The following IWS1 variants were observed in gnomAD, a reference collection of about 807,000 sequenced individuals.
IWS1 encodes protein IWS1 homolog.
Under a neutral mutation model 86.7 loss-of-function variants are expected in IWS1, and 27 were observed. The ratio of observed to expected loss-of-function variants is 0.31; its 90% CI spans 0.23 to 0.43. IWS1 has a LOEUF of 0.43. IWS1 is among the 20% of genes least tolerant of loss of function. The pLI is 1.00. For synonymous variants in IWS1, 313 were observed against 335.1 expected, an observed-to-expected ratio of 0.93 and a Z score of 0.72; for missense variants, 827 against 1,000.8, an observed-to-expected ratio of 0.83 and a Z score of 2.34.
Position 127,526,296 on chromosome 2 carries a change from T to G in IWS1, c.-88A>C, listed in dbSNP as rs1692411943. On this transcript the variant is annotated 5_prime_UTR_variant, in exon 1 of 14. Coordinates refer to ENST00000295321, the MANE Select transcript of IWS1 (RefSeq NM_017969.3). ...GCGGTGTGACCCCGGATGGCGCGGCTAAGTGTTCAGAGACTGCCGCCCGAC... is the reference window on the plus strand; with the variant it reads ...GCGGTGTGACCCCGGATGGCGCGGCGAAGTGTTCAGAGACTGCCGCCCGAC... 3 of 1,543,562 alleles carry G rather than the reference T, an allele frequency of 1.9e-6. No homozygotes were observed. The African/African-American group carries it at 4.1e-5, about 21-fold the overall frequency.
intron 2 of IWS1, among the ~76,000 whole-genome samples, chr2:127,506,404 T>G (rs1399824715): frequency 1.3e-5 from 2 of 152,092 alleles, no homozygotes; most frequent in Non-Finnish European, 2.9e-5. Context: ...AACTCTATTT[T>G]TCAAAGAAAT....
At chr2:127,484,078 C>T (rs1295693772) in intron 13 of IWS1, among the ~76,000 whole-genome samples, 1 of 152,098 alleles carries the variant, frequency 6.6e-6, no homozygotes, top group Non-Finnish European at 1.5e-5. Flanking sequence ...CCGAGGCGGG[C>T]AGATCACTAG....
chr2:127,495,059 A>G (rs1690443634), intron 7 of IWS1, 105 bp from the exon 8 acceptor site: 8 of 658,020 alleles, frequency 1.2e-5, no homozygotes, highest in South Asian at 7.4e-5. Flanking sequence ...CAAAGAAACA[A>G]TTTTTCCTAC....
chr2:127,517,864 T>TA (rs1691861856), intron 2 of IWS1, among the ~76,000 whole-genome samples: 2 of 152,236 alleles, frequency 1.3e-5, no homozygotes, highest in African/African-American at 4.8e-5. Flanking sequence ...TATATCCATA[T>TA]AATGGAATAT....
chr2:127,519,085 T>A (rs1691944653), intron 2 of IWS1, among the ~76,000 whole-genome samples: 1 of 152,196 alleles, frequency 6.6e-6, no homozygotes, highest in Non-Finnish European at 1.5e-5. Flanking sequence ...TAAAATATCA[T>A]TTATCTTGAT....
intron 13 of IWS1, chr2:127,482,287 T>C (rs1044862774): frequency 2.6e-5 from 4 of 152,204 alleles, no homozygotes; most frequent in African/African-American, 4.8e-5. Context: ...AACTATGACA[T>C]GAAGCCAGCT....
chr2:127,518,116 T>C (rs1691875026), intron 2 of IWS1, among the ~76,000 whole-genome samples: 1 of 152,158 alleles, frequency 6.6e-6, no homozygotes, highest in African/African-American at 2.4e-5. Context: ...AAGCGTTTCT[T>C]AGGTGATGAA....
At position 127,526,354 on chromosome 2, in the gene IWS1, G is replaced by T. The variant is rs914873247; in HGVS notation, c.-146C>A. On this transcript the variant is annotated 5_prime_UTR_variant, in exon 1 of 14. Coordinates refer to ENST00000295321, the MANE Select transcript of IWS1 (RefSeq NM_017969.3). ...CTTAACGGGTGCGGAGGGTAAGAAAGCGGTAGCGGCAAAGGCGAATTCTTT... is the reference window on the plus strand; with the variant it reads ...CTTAACGGGTGCGGAGGGTAAGAAATCGGTAGCGGCAAAGGCGAATTCTTT... 2 of 1,537,376 alleles carry T rather than the reference G, an allele frequency of 1.3e-6. No homozygotes were observed. Among genetic ancestry groups the T allele is most frequent in the South Asian group, 2.4e-5 (2 of 83,610 alleles).
In IWS1 at chr2:127,504,994, C is replaced by G. The variant is rs1303927188; in HGVS notation, c.909G>C (p.Glu303Asp). 1 of 1,613,950 alleles carries G rather than the reference C, an allele frequency of 6.2e-7. No homozygotes were observed. Among genetic ancestry groups the G allele is most frequent in the Middle Eastern group, 1.6e-4 (1 of 6,062 alleles). The change falls in exon 3 of 14, where the codon GAG becomes GAC. Residue 303 changes from glutamate (E) to aspartate (D), a missense_variant. Glu to Asp is a conservative substitution (Grantham distance 45, BLOSUM62 2). This residue lies in a region of IWS1 where 548 missense variants were observed against 560.2 expected (regional missense o/e 0.98). Coordinates refer to ENST00000295321, the MANE Select transcript of IWS1 (RefSeq NM_017969.3). Reference protein sequence around the residue: ...ELPKPRVSDSESEGPQKGPAS... With the variant: ...ELPKPRVSDSDSEGPQKGPAS... ...CAGGCCCCTTCTGAGGCCCCTCACT[C>G]TCAGAGTCACTGACTCGGGGTTTGG...
chr2:127,483,571 C>CA (rs1553431164), intron 13 of IWS1, among the ~76,000 whole-genome samples: 1 of 20,188 alleles, frequency 5.0e-5, no homozygotes, highest in Non-Finnish European at 8.3e-5. Context: ...ATAATTTGGT[C>CA]GGGGCGGGGG....
chr2:127,517,436 A>G (rs1482715568), intron 2 of IWS1, among the ~76,000 whole-genome samples: 1 of 152,248 alleles, frequency 6.6e-6, no homozygotes, highest in Non-Finnish European at 1.5e-5. Flanking sequence ...ATGAAGCCAT[A>G]TATCCTATGG....
rs181042200 is a variant in IWS1, at chr2:127,523,016, C to T, written c.150+660G>A. On this transcript the variant is annotated intron_variant, in intron 2 of 13. Coordinates refer to ENST00000295321, the MANE Select transcript of IWS1 (RefSeq NM_017969.3). The stretch of plus-strand genomic sequence containing the variant: ...CTTGAGGTCAGGAGTTTGAGATCAG[C>T]CTGGCCAACATGGTGAAACCCCATC... 3.9e-4 allele frequency among the ~76,000 whole-genome samples: 60 copies of T among 152,260 alleles called. No homozygotes were observed. In the Middle Eastern group the frequency reaches 0.01, roughly 26 times the overall value.
intron 13 of IWS1, chr2:127,482,454 T>C (rs1000756562): frequency 3.3e-5 from 5 of 152,266 alleles, no homozygotes; most frequent in Non-Finnish European, 5.9e-5. Context: ...GAAAGAGCTA[T>C]GCCACCATCA....
rs1690706799 is a variant in IWS1 at position 127,499,779 on chromosome 2, C to T, written c.1468-1542G>A. Among the ~76,000 whole-genome samples the T allele has an allele frequency of 6.6e-6, 1 of 151,732 alleles. No homozygotes were observed. The highest frequency in any genetic ancestry group is 6.6e-5 in the Admixed American group (1 of 15,234). On this transcript the variant is annotated intron_variant, in intron 5 of 13. Coordinates refer to ENST00000295321, the MANE Select transcript of IWS1 (RefSeq NM_017969.3). This position sits in a 1 kb window ranked among gnomAD's most constrained non-coding sequence, Gnocchi z 4.0. ...TTTTTTGACCCAAGAACTATTTAAG[C>T]AGGGTTTAAGTTTCTGAGCGGCAAA...
chr2:127,508,761 T>C (rs899168339), intron 2 of IWS1, among the ~76,000 whole-genome samples: 5 of 152,188 alleles, frequency 3.3e-5, no homozygotes, highest in African/African-American at 1.2e-4. Flanking sequence ...GTCTAGAACC[T>C]AAATTATAAA....
At chr2:127,483,600 T>TGGGGGGGGGGGGGGGGGGGGGGGGGGGGG (rs1558736829) in intron 13 of IWS1, among the ~76,000 whole-genome samples, 1 of 5,880 alleles carries the variant, frequency 1.7e-4, no homozygotes, top group African/African-American at 4.0e-4. Context: ...GTGGGGGGGT[T>TGGGGGGGGGGGGGGGGGGGGGGGGGGGGG]GGGCTGTGTG....
chr2:127,502,419 T>C (rs1690869964), intron 5 of IWS1, among the ~76,000 whole-genome samples: 1 of 152,240 alleles, frequency 6.6e-6, no homozygotes, highest in African/African-American at 2.4e-5. Context: ...AATTCTTTGC[T>C]ACTTTGTTCC....
rs556271716 is a variant in IWS1, at chr2:127,519,482, T to C, written c.150+4194A>G. ...ACCACTATCTTAAAGATTGTGTGTG[T>C]GTGTGTGTGCGTGTGTGTGCACTGA... On this transcript the variant is annotated intron_variant, in intron 2 of 13. Transcript: ENST00000295321. Among the ~76,000 whole-genome samples the C allele has an allele frequency of 6.0e-3, 919 of 151,916 alleles. 12 individuals carry two copies. The highest frequency in any genetic ancestry group is 0.021 in the African/African-American group (881 of 41,272).
intron 8 of IWS1, among the ~76,000 whole-genome samples, chr2:127,494,245 TAA>T (rs11327472): frequency 0.19 from 17,531 of 94,278 alleles, 1,560 homozygotes; most frequent in Non-Finnish European, 0.26. Context: ...TGTCTCTAAT[TAA>T]AAAAAAAAAA....
Sources: gnomAD v4.1 joint callset for allele counts (sites outside exome capture counted in the v4.1 genomes callset) on GRCh38, gnomAD v4.1.1 for gene constraint, gnomAD v4.1.1 regional missense constraint, Gnocchi (gnomAD v3.1) non-coding constraint, MANE v1.5 for transcripts, NCBI Gene and HGNC (gene_info 2026-07-23, HGNC 2026-07-21) for gene names.